The following SNTG1 variants were observed in gnomAD, a reference collection of about 807,000 sequenced individuals.
SNTG1 encodes the protein syntrophin gamma 1, also known as gamma-1-syntrophin.
SNTG1 carries 39 observed loss-of-function variants against 74.7 expected under a neutral mutation model. That is an observed-to-expected ratio of 0.52 (90% CI 0.40 to 0.68). SNTG1 has a LOEUF of 0.68. SNTG1 is among the 30% of genes least tolerant of loss of function. The probability of loss-of-function intolerance (pLI) is 0.00; values close to 1 mark genes in which losing one functional copy is unlikely to be tolerated. For missense variants in SNTG1, 685 were observed against 609.5 expected (o/e 1.12, Z -1.30); for synonymous variants, 254 against 217.1 (o/e 1.17, Z -1.49).
chr8:50,420,010 AAAT>A (rs1371322783), intron 4 of SNTG1, among the ~76,000 whole-genome samples: 1 of 152,150 alleles, frequency 6.6e-6, no homozygotes, highest in East Asian at 1.9e-4. Context: ...GGACTGAAAA[AAAT>A]AAGAAGTGTC....
At chr8:50,615,864 G>A (rs1329310419) in intron 13 of SNTG1, among the ~76,000 whole-genome samples, 1 of 152,200 alleles carries the variant, frequency 6.6e-6, no homozygotes, top group African/African-American at 2.4e-5. Context: ...GTTCTCCAGA[G>A]AAACAGAACC....
In SNTG1 at chr8:50,660,196, G is replaced by C. The variant is rs143764735; in HGVS notation, c.1038+1533G>C. On this transcript the variant is annotated intron_variant, in intron 15 of 18. Coordinates refer to ENST00000642720, the MANE Select transcript of SNTG1 (RefSeq NM_018967.5). ...TAATTAGGGGAAGAAAAGAAAGAAA[G>C]AAAAGAAAAGAAGGAAAAGAAAAGA... Among the ~76,000 whole-genome samples the C allele has an allele frequency of 4.9e-3, 686 of 139,818 alleles. 6 individuals carry two copies. The highest frequency in any genetic ancestry group is 0.013 in the African/African-American group (507 of 37,708). 91.7% of individuals were successfully genotyped at this position (139,818 alleles called of 152,430 possible).
At chr8:50,561,041 G>A (rs139530361) in intron 12 of SNTG1, among the ~76,000 whole-genome samples, 40 of 152,144 alleles carry the variant, frequency 2.6e-4, no homozygotes, top group South Asian at 1.2e-3. Context: ...TTCTGTGTCC[G>A]CATCCAAATC....
intron 18 of SNTG1, among the ~76,000 whole-genome samples, chr8:50,769,535 G>A (rs2095622085): frequency 6.6e-6 from 1 of 151,840 alleles, no homozygotes; most frequent in Admixed American, 6.6e-5. Context: ...GCATTTAAGG[G>A]TAGAAATAAT....
intron 11 of SNTG1, among the ~76,000 whole-genome samples, chr8:50,540,548 T>G (rs1271498838): frequency 6.6e-6 from 1 of 152,190 alleles, no homozygotes; most frequent in African/African-American, 2.4e-5. Context: ...GCATCATTCA[T>G]GATTTTTTTC....
At chr8:50,491,336 A>G (rs1434062547) in intron 8 of SNTG1, 1 of 152,298 alleles carries the variant, frequency 6.6e-6, no homozygotes, top group Non-Finnish European at 1.5e-5. Flanking sequence ...TAAGTTGTAC[A>G]CTTTATTATT....
At chr8:50,697,834 T>C (rs750274597) in intron 15 of SNTG1, among the ~76,000 whole-genome samples, 2 of 152,198 alleles carry the variant, frequency 1.3e-5, no homozygotes, top group South Asian at 4.1e-4. Context: ...ATTTAGTTTG[T>C]TGAGAATTTA....
chr8:50,753,224 A>G (rs546342534), intron 18 of SNTG1, among the ~76,000 whole-genome samples: 27 of 152,008 alleles, frequency 1.8e-4, no homozygotes, highest in African/African-American at 5.3e-4. Context: ...ACCTCTCGCT[A>G]CTGCTCCTCT....
chr8:50,011,368 A>G (rs1364283792), intron 1 of SNTG1, among the ~76,000 whole-genome samples: 2 of 152,142 alleles, frequency 1.3e-5, no homozygotes, highest in Non-Finnish European at 2.9e-5. Flanking sequence ...CATGATACTT[A>G]TTGTTAGCCC....
intron 2 of SNTG1, among the ~76,000 whole-genome samples, chr8:50,273,893 A>C (rs2087929349): frequency 1.3e-5 from 2 of 152,188 alleles, no homozygotes; most frequent in African/African-American, 4.8e-5. Flanking sequence ...GAAAAGACTT[A>C]GGAATCATCT....
intron 1 of SNTG1, among the ~76,000 whole-genome samples, chr8:49,922,885 A>G (rs1460883833): frequency 6.6e-6 from 1 of 152,150 alleles, no homozygotes; most frequent in African/African-American, 2.4e-5. Flanking sequence ...TGAACCTACT[A>G]CATGTAACTG....
chr8:50,615,803 A>G (rs1484727107), intron 13 of SNTG1, among the ~76,000 whole-genome samples: 1 of 152,204 alleles, frequency 6.6e-6, no homozygotes, highest in Non-Finnish European at 1.5e-5. Context: ...GGAAACAGAC[A>G]CCACATCTGG....
chr8:50,113,341 T>C (rs1276835451), intron 1 of SNTG1, among the ~76,000 whole-genome samples: 1 of 152,194 alleles, frequency 6.6e-6, no homozygotes, highest in African/African-American at 2.4e-5. Flanking sequence ...GATTCCTAGG[T>C]ATTTTATTCT....
intron 12 of SNTG1, among the ~76,000 whole-genome samples, chr8:50,559,577 A>C (rs1024724496): frequency 3.9e-5 from 6 of 152,146 alleles, no homozygotes; most frequent in Non-Finnish European, 5.9e-5. Flanking sequence ...GGAAGATTGA[A>C]AGTCAAAATT....
chr8:50,680,314 C>T (rs2095325997), intron 15 of SNTG1, among the ~76,000 whole-genome samples: 1 of 152,116 alleles, frequency 6.6e-6, no homozygotes, highest in Admixed American at 6.6e-5. Flanking sequence ...TATCCTTTGT[C>T]CACATTCTCA....
chr8:50,043,024 A>C (rs1818776816), intron 1 of SNTG1, among the ~76,000 whole-genome samples: 1 of 152,058 alleles, frequency 6.6e-6, no homozygotes, highest in Non-Finnish European at 1.5e-5. Flanking sequence ...ATGTGTATTT[A>C]AATTTATGAT....
chr8:50,483,476 T>C (rs1280385919), intron 8 of SNTG1, among the ~76,000 whole-genome samples: 1 of 152,196 alleles, frequency 6.6e-6, no homozygotes, highest in Non-Finnish European at 1.5e-5. Context: ...TTTCTCCCTA[T>C]GCAGGCTTCA....
intron 1 of SNTG1, among the ~76,000 whole-genome samples, chr8:49,913,593 C>A (rs534117137): frequency 6.6e-6 from 1 of 152,094 alleles, no homozygotes; most frequent in Admixed American, 6.5e-5. Flanking sequence ...TTGGGGGCTC[C>A]GTTGCCCTAT....
chr8:50,616,878 G>A (rs747528423), intron 13 of SNTG1, among the ~76,000 whole-genome samples: 3 of 152,064 alleles, frequency 2.0e-5, no homozygotes, highest in Non-Finnish European at 2.9e-5. Flanking sequence ...CTCTTCCTCC[G>A]TCACGCAAGC....
Sources: gnomAD v4.1 joint callset for allele counts (sites outside exome capture counted in the v4.1 genomes callset) on GRCh38, gnomAD v4.1.1 for gene constraint, MANE v1.5 for transcripts, NCBI Gene and HGNC (gene_info 2026-07-23, HGNC 2026-07-21) for gene names.